The following GABRA2 variants were observed in gnomAD, a reference collection of about 807,000 sequenced individuals.
The protein encoded by GABRA2 is gamma-aminobutyric acid type A receptor subunit alpha2.
In GABRA2, 16 loss-of-function variants were observed where a neutral mutation model predicts 48.7. That is an observed-to-expected ratio of 0.33 (90% CI 0.22 to 0.50). The LOEUF is 0.50. Among genes scored for constraint, GABRA2 ranks in the 20% least tolerant of loss-of-function variants. The probability of loss-of-function intolerance (pLI) is 0.98; values close to 1 mark genes in which losing one functional copy is unlikely to be tolerated. For missense variants in GABRA2, 275 were observed against 535.6 expected, an observed-to-expected ratio of 0.51 and a Z score of 4.80; for synonymous variants, 185 against 184.5, an observed-to-expected ratio of 1.00 and a Z score of -0.02.
intron 4 of GABRA2, among the ~76,000 whole-genome samples, chr4:46,319,429 T>C (rs1306614018): frequency 6.6e-6 from 1 of 151,792 alleles, no homozygotes; most frequent in African/African-American, 2.4e-5. Flanking sequence ...GAAGAACATG[T>C]AGTCTATGAA....
chr4:46,388,593 C>G (rs760777354), intron 2 of GABRA2, 43 bp downstream of exon 2: 18 of 1,609,158 alleles, frequency 1.1e-5, no homozygotes, highest in Non-Finnish European at 1.5e-5. Context: ...AGAAACACAT[C>G]TTTGCCCTGA....
intron 8 of GABRA2, among the ~76,000 whole-genome samples, chr4:46,289,056 C>G (rs754328510): frequency 1.3e-5 from 2 of 151,636 alleles, no homozygotes; most frequent in African/African-American, 2.4e-5. Context: ...CAAAAAAAAA[C>G]AGATGCTGGC....
chr4:46,387,472 T>C (rs987288959), intron 2 of GABRA2, among the ~76,000 whole-genome samples: 1 of 152,164 alleles, frequency 6.6e-6, no homozygotes, highest in Admixed American at 6.5e-5. Flanking sequence ...TATTAAAGTA[T>C]TCAAATGAAG....
chr4:46,245,296 T>C lies in GABRA2; in HGVS notation c.*5012A>G, dbSNP rs961757565. ...CAAATCAGTAATGAATATACATAAC[T>C]TTGTATTTGTAAATAACCAGATATT... On this transcript the variant is annotated 3_prime_UTR_variant, in exon 10 of 10. Transcript: ENST00000381620. Among the ~76,000 whole-genome samples the C allele has an allele frequency of 1.3e-5, 2 of 151,456 alleles. No homozygotes were observed. Among genetic ancestry groups the C allele is most frequent in the African/African-American group, 4.8e-5 (2 of 41,490 alleles).
At chr4:46,343,265 G>T (rs988070607) in intron 3 of GABRA2, among the ~76,000 whole-genome samples, 2 of 151,916 alleles carry the variant, frequency 1.3e-5, no homozygotes. Context: ...AACAAAGATA[G>T]ATTTTTCTAC....
chr4:46,254,234 G>A (rs1158456271), intron 9 of GABRA2, among the ~76,000 whole-genome samples: 3 of 151,408 alleles, frequency 2.0e-5, no homozygotes, highest in African/African-American at 7.2e-5. Context: ...TGCAGGCTTT[G>A]GATCCAGCCA....
chr4:46,363,073 A>G (rs1713468109), intron 3 of GABRA2, among the ~76,000 whole-genome samples: 1 of 152,146 alleles, frequency 6.6e-6, no homozygotes, highest in Admixed American at 6.6e-5. Flanking sequence ...TCTTTCTCTA[A>G]CTTCATCTAG....
At chr4:46,318,909 T>C (rs926033249) in intron 4 of GABRA2, among the ~76,000 whole-genome samples, 5 of 151,712 alleles carry the variant, frequency 3.3e-5, no homozygotes, top group Non-Finnish European at 7.4e-5. Context: ...ATTTCAAAAA[T>C]TCCTTACAGG....
chr4:46,375,423 GT>G (rs912979553), intron 3 of GABRA2, among the ~76,000 whole-genome samples: 21 of 151,310 alleles, frequency 1.4e-4, no homozygotes, highest in Admixed American at 9.9e-4. Context: ...TTCATGTCTA[GT>G]TTTTTTTTCT....
intron 8 of GABRA2, among the ~76,000 whole-genome samples, chr4:46,283,284 T>C (rs1224422057): frequency 6.6e-6 from 1 of 152,200 alleles, no homozygotes; most frequent in Admixed American, 6.5e-5. Flanking sequence ...TTACCCTTCC[T>C]CATTTTATTC....
At chr4:46,361,811 A>G (rs1185084988) in intron 3 of GABRA2, among the ~76,000 whole-genome samples, 1 of 152,230 alleles carries the variant, frequency 6.6e-6, no homozygotes, top group African/African-American at 2.4e-5. Context: ...TTGCATCAGC[A>G]TTACCTGGAT....
intron 8 of GABRA2, among the ~76,000 whole-genome samples, chr4:46,268,215 TAA>T (rs1024826751): frequency 5.9e-5 from 9 of 151,856 alleles, no homozygotes; most frequent in African/African-American, 2.2e-4. Context: ...TACATCAAGA[TAA>T]AAAGTTTTCA....
At chr4:46,307,240 C>T (rs1450125732) in intron 6 of GABRA2, among the ~76,000 whole-genome samples, 1 of 151,528 alleles carries the variant, frequency 6.6e-6, no homozygotes, top group Non-Finnish European at 1.5e-5. Flanking sequence ...GAACATTAAA[C>T]AACAACACTA....
At chr4:46,263,791 A>G (rs1401875310) in intron 8 of GABRA2, among the ~76,000 whole-genome samples, 2 of 152,022 alleles carry the variant, frequency 1.3e-5, no homozygotes, top group Non-Finnish European at 2.9e-5. Flanking sequence ...TTTGCAAAAA[A>G]GGTAATTGGA....
chr4:46,373,521 G>A lies in GABRA2; in HGVS notation c.187+12553C>T, dbSNP rs148661221. Among the ~76,000 whole-genome samples, 40 of 152,128 alleles carry A rather than the reference G, an allele frequency of 2.6e-4. No homozygotes were observed. In the East Asian group the frequency reaches 6.6e-3, roughly 25 times the overall value. ...TATGACATTTAATCTATTTTAAATG[G>A]TGACATATTTTAATATAATTATTAC... On this transcript the variant is annotated intron_variant, in intron 3 of 9. Transcript: ENST00000381620.
chr4:46,310,375 A>C, intron 5 of GABRA2, 120 bp from the exon 6 acceptor site: 1 of 569,526 alleles, frequency 1.8e-6, no homozygotes, highest in Non-Finnish European at 3.1e-6. Context: ...AGGCTCATTC[A>C]TATTTAAATA....
intron 3 of GABRA2, among the ~76,000 whole-genome samples, chr4:46,333,133 C>T (rs1731656258): frequency 6.6e-6 from 1 of 151,944 alleles, no homozygotes. Flanking sequence ...TATATCTTCT[C>T]CATACAGCAC....
intron 3 of GABRA2, chr4:46,368,850 C>T: frequency 2.1e-6 from 1 of 479,220 alleles, no homozygotes; most frequent in East Asian, 3.1e-5. Flanking sequence ...AAACTCAACC[C>T]CCTTCATACA....
chr4:46,325,946 C>T (rs1016289613), intron 4 of GABRA2, among the ~76,000 whole-genome samples: 6 of 151,898 alleles, frequency 4.0e-5, no homozygotes, highest in African/African-American at 1.4e-4. Context: ...GTTTTTGTAC[C>T]AGTACCATGT....
Sources: allele counts gnomAD v4.1 joint callset (sites outside exome capture counted in the v4.1 genomes callset), GRCh38; gene constraint gnomAD v4.1.1; transcripts MANE v1.5; gene names NCBI Gene and HGNC (gene_info 2026-07-23, HGNC 2026-07-21).